Variants in RPE observed in about 807,000 individuals in gnomAD.
RPE encodes ribulose-phosphate 3-epimerase.
RPE carries 16 observed loss-of-function variants against 24.6 expected under a neutral mutation model. The ratio of observed to expected loss-of-function variants is 0.65; its 90% CI spans 0.44 to 0.99. RPE has a LOEUF of 0.99. Among genes scored for constraint, RPE ranks in the 50% least tolerant of loss-of-function variants. The pLI, the probability that RPE is intolerant of heterozygous loss-of-function variation, is 0.00. For missense variants in RPE, 240 were observed against 294.5 expected, an observed-to-expected ratio of 0.81 and a Z score of 1.35; for synonymous variants, 93 against 98.4, an observed-to-expected ratio of 0.94 and a Z score of 0.33.
intron 5 of RPE, chr2:210,018,005 A>G (rs1575324629): frequency 1.2e-6 from 1 of 817,020 alleles, no homozygotes; most frequent in East Asian, 2.8e-5. Context: ...TCGGCCTCCC[A>G]AAGTGTTGGG....
At position 210,020,879 on chromosome 2, in the gene RPE, A is replaced by C. The variant is rs1159330720; in HGVS notation, c.*1088A>C. On this transcript the variant is annotated 3_prime_UTR_variant, in exon 6 of 6. Transcript: ENST00000359429. Reference sequence around the variant, plus strand: ...CTGGAAAGGATCTGGGAAGTGGTAGAATTTCTGGTCTGTACTTTTACAAAT... The same window carrying C: ...CTGGAAAGGATCTGGGAAGTGGTAGCATTTCTGGTCTGTACTTTTACAAAT... 6.6e-6 allele frequency: 1 copy of C among 152,660 alleles called. No individual in the cohort carries two copies. Among genetic ancestry groups the C allele is most frequent in the Non-Finnish European group, 1.5e-5 (1 of 67,968 alleles). 9.5% of individuals were successfully genotyped at this position (152,660 alleles called of 1,614,324 possible). A position where few individuals can be genotyped will look rare whatever the true frequency, so the allele number is the denominator to read the frequency against.
chr2:210,012,095 A>G, intron 2 of RPE, among the ~76,000 whole-genome samples: 1 of 152,128 alleles, frequency 6.6e-6, no homozygotes, highest in African/African-American at 2.4e-5. Context: ...TGTATATGTA[A>G]CGCTAACATT....
Position 210,020,293 on chromosome 2 carries a change from C to T in RPE, c.*502C>T, listed in dbSNP as rs2093840036. The T allele has an allele frequency of 6.0e-6, 1 of 166,980 alleles. No individual in the cohort carries two copies. 10.3% of individuals were successfully genotyped at this position (166,980 alleles called of 1,614,324 possible). On this transcript the variant is annotated 3_prime_UTR_variant, in exon 6 of 6. Coordinates refer to ENST00000359429, the MANE Select transcript of RPE (RefSeq NM_199229.3). The stretch of plus-strand genomic sequence containing the variant: ...GGTTCTTAAAATCTATCACTTTTCA[C>T]CTTACACTTGATGTGTGAAAACTAT...
At chr2:210,016,669 AG>A in intron 4 of RPE, 28 bp downstream of exon 4, 1 of 1,613,924 alleles carries the variant, frequency 6.2e-7, no homozygotes, top group South Asian at 1.1e-5. Flanking sequence ...TTTTGGGGTG[AG>A]GCTTTTACAG....
chr2:210,003,041 G>A (rs1477395270), intron 1 of RPE, among the ~76,000 whole-genome samples: 1 of 152,132 alleles, frequency 6.6e-6, no homozygotes, highest in African/African-American at 2.4e-5. Context: ...CATCACTTAG[G>A]ACCCGGAAGC....
intron 2 of RPE, among the ~76,000 whole-genome samples, chr2:210,014,727 CT>C (rs78186233): frequency 7.5e-5 from 11 of 147,636 alleles, no homozygotes; most frequent in South Asian, 6.4e-4. Context: ...CTTTTTCTGA[CT>C]TTTTTTTTTC....
Position 210,002,694 on chromosome 2 carries a change from C to T in RPE, c.33C>T (p.Ile11=). 1 of 1,614,186 alleles carries T rather than the reference C, an allele frequency of 6.2e-7. No homozygotes were observed. The highest frequency in any genetic ancestry group is 8.5e-7 in the Non-Finnish European group (1 of 1,180,008). ...CGGGCTGCAAGATTGGCCCGTCCAT[C>T]CTCAACAGCGACCTGGCCAATTTAG... The part of the protein sequence containing the change: MASGCKIGPS[I]LNSDLANLGA... The change falls in exon 1 of 6, where the codon ATC becomes ATT. Residue 11 remains isoleucine (I), a synonymous_variant. Coordinates refer to ENST00000359429, the MANE Select transcript of RPE (RefSeq NM_199229.3).
rs200634996 is a variant in RPE at position 210,005,961 on chromosome 2, G to GT, written c.122+3179dup. Among the ~76,000 whole-genome samples, 615 of 152,242 alleles carry GT rather than the reference G, an allele frequency of 4.0e-3. 4 individuals carry two copies. The highest frequency in any genetic ancestry group is 5.5e-3 in the Non-Finnish European group (375 of 68,018). On this transcript the variant is annotated intron_variant, in intron 1 of 5. Transcript: ENST00000359429. ...CTGCAGTAGATTGTGTTAGAATTAC[G>GT]TAAGTAAAGCTTAGGAGTGATGATG...
chr2:210,013,926 C>T (rs890851007), intron 2 of RPE, among the ~76,000 whole-genome samples: 8 of 152,128 alleles, frequency 5.3e-5, no homozygotes, highest in African/African-American at 1.9e-4. Flanking sequence ...TTGGGAATTG[C>T]TGATCTAATG....
At chr2:210,019,607 T>C (rs1262661142) in intron 5 of RPE, 62 bp from the exon 6 acceptor site, 4 of 1,576,440 alleles carry the variant, frequency 2.5e-6, no homozygotes, top group Non-Finnish European at 3.4e-6. Flanking sequence ...AGTCCAGGAA[T>C]TCTGTTTTAG....
At chr2:210,009,620 G>T in intron 1 of RPE, 37 bp from the exon 2 acceptor site, 1 of 1,613,126 alleles carries the variant, frequency 6.2e-7, no homozygotes, top group Non-Finnish European at 8.5e-7. Context: ...AAACTGAATT[G>T]AAAACATTTT....
In RPE at chr2:210,009,815, A is replaced by G; in HGVS notation, c.202+79A>G. On this transcript the variant is annotated intron_variant, in intron 2 of 5. Coordinates refer to ENST00000359429, the MANE Select transcript of RPE (RefSeq NM_199229.3). The stretch of plus-strand genomic sequence containing the variant: ...ACTGGATGGTTGATTTTAACTTCCA[A>G]GTTCATCTGGCACCCTTTCCCCAAC... 3.8e-6 allele frequency: 6 copies of G among 1,580,822 alleles called. No individual in the cohort carries two copies. The South Asian group carries it at 6.6e-5, about 18-fold the overall frequency.
At chr2:210,013,691 G>C (rs2093730870) in intron 2 of RPE, among the ~76,000 whole-genome samples, 1 of 151,948 alleles carries the variant, frequency 6.6e-6, no homozygotes, top group African/African-American at 2.4e-5. Flanking sequence ...AAGTTTCTTG[G>C]GGTCTTTAAT....
rs1296130189 is a variant in RPE, at chr2:210,021,580, T to G, written c.*1789T>G. ...TACAGTAAAACTACAAGCAAAAGTTTGTCAGTATTGAATTGAATTTTTTAC... is the reference window on the plus strand; with the variant it reads ...TACAGTAAAACTACAAGCAAAAGTTGGTCAGTATTGAATTGAATTTTTTAC... On this transcript the variant is annotated 3_prime_UTR_variant, in exon 6 of 6. Coordinates refer to ENST00000359429, the MANE Select transcript of RPE (RefSeq NM_199229.3). 6.6e-6 allele frequency: 1 copy of G among 152,568 alleles called. No individual in the cohort carries two copies. The highest frequency in any genetic ancestry group is 2.4e-5 in the African/African-American group (1 of 41,460). The allele number at this position is 152,568 out of a possible 1,614,324, so 9.5% of individuals were successfully genotyped here.
In RPE at chr2:210,002,836, C is replaced by T. The variant is rs2093579262; in HGVS notation, c.122+53C>T. Reference sequence around the variant, plus strand: ...TGCCGCGCGGCGGGGCGGATCAGTGCACCTTTATTGACTGCTTGTTGGATG... The same window carrying T: ...TGCCGCGCGGCGGGGCGGATCAGTGTACCTTTATTGACTGCTTGTTGGATG... On this transcript the variant is annotated intron_variant, in intron 1 of 5. Coordinates refer to ENST00000359429, the MANE Select transcript of RPE (RefSeq NM_199229.3). The T allele has an allele frequency of 7.4e-6, 12 of 1,613,644 alleles. No individual in the cohort carries two copies. In the South Asian group the frequency reaches 1.3e-4, roughly 18 times the overall value.
At chr2:210,015,213 C>T (rs541737079) in intron 2 of RPE, among the ~76,000 whole-genome samples, 2 of 152,332 alleles carry the variant, frequency 1.3e-5, no homozygotes, top group East Asian at 3.9e-4. Context: ...CTCATCTATC[C>T]TCAGCTCTCT....
chr2:210,018,141 G>C, intron 5 of RPE: 1 of 1,523,044 alleles, frequency 6.6e-7, no homozygotes, highest in South Asian at 1.2e-5. Context: ...AAAAGAATAT[G>C]TTGAATTTCA....
chr2:210,004,826 C>T (rs1317003970), intron 1 of RPE, among the ~76,000 whole-genome samples: 2 of 152,104 alleles, frequency 1.3e-5, no homozygotes. Context: ...AGCTCTATGG[C>T]AGACTGAGCT....
At chr2:210,003,586 C>T (rs2093592120) in intron 1 of RPE, 10 of 487,970 alleles carry the variant, frequency 2.0e-5, no homozygotes, top group South Asian at 1.7e-4. Flanking sequence ...GTAAGACTCC[C>T]TCAAGATTAC....
Sources: gnomAD v4.1 joint callset for allele counts (sites outside exome capture counted in the v4.1 genomes callset) on GRCh38, gnomAD v4.1.1 for gene constraint, MANE v1.5 for transcripts, NCBI Gene and HGNC (gene_info 2026-07-23, HGNC 2026-07-21) for gene names.